Variants in GRIK4 observed in about 807,000 individuals in gnomAD.
GRIK4 encodes the protein glutamate receptor ionotropic, kainate 4.
GRIK4 carries 40 observed loss-of-function variants against 104.9 expected under a neutral mutation model. The ratio of observed to expected loss-of-function variants is 0.38; its 90% confidence interval spans 0.30 to 0.50. GRIK4 has a LOEUF of 0.50. Ranked by LOEUF, GRIK4 falls within the 20% of genes least tolerant of loss-of-function variation. The pLI is 0.93. For synonymous variants in GRIK4, 485 were observed against 524.9 expected (o/e 0.92, Z 1.04); for missense variants, 1,047 against 1,308.1 (o/e 0.80, Z 3.08).
chr11:120,773,468 G>A (rs1434635078), intron 3 of GRIK4, among the ~76,000 whole-genome samples: 1 of 152,240 alleles, frequency 6.6e-6, no homozygotes. Flanking sequence ...AACCACCAGG[G>A]ACCAAACACG....
rs565386691 is a variant in GRIK4 at position 120,608,281 on chromosome 11, G to A, written c.-158-45404G>A. Reference sequence around the variant, plus strand: ...GTGGGAGGCTTGCTTGAGTCCAGGAGTTTGAGACCAGCCTGGACAATGCAG... The same window carrying A: ...GTGGGAGGCTTGCTTGAGTCCAGGAATTTGAGACCAGCCTGGACAATGCAG... On this transcript the variant is annotated intron_variant, in intron 1 of 20. Transcript: ENST00000527524. 2.0e-5 allele frequency among the ~76,000 whole-genome samples: 3 copies of A among 152,342 alleles called. No individual in the cohort carries two copies. The South Asian group carries it at 6.2e-4, about 32-fold the overall frequency.
intron 9 of GRIK4, chr11:120,872,625 G>A (rs1954642262): frequency 6.5e-6 from 1 of 153,350 alleles, no homozygotes; most frequent in Non-Finnish European, 1.5e-5. Context: ...CCTTGTAATG[G>A]GACTCTGTGT....
intron 1 of GRIK4, among the ~76,000 whole-genome samples, chr11:120,595,478 A>C (rs1040319086): frequency 2.6e-5 from 4 of 152,214 alleles, no homozygotes; most frequent in Middle Eastern, 3.2e-3. Context: ...TACAAGGTGC[A>C]TGGCAGAGGG....
chr11:120,574,858 T>C (rs139443595), intron 1 of GRIK4, among the ~76,000 whole-genome samples: 2 of 152,292 alleles, frequency 1.3e-5, no homozygotes, highest in Admixed American at 6.5e-5. Context: ...CATCTCTGTT[T>C]AATAAGAATT....
intron 1 of GRIK4, among the ~76,000 whole-genome samples, chr11:120,518,556 A>G (rs1228246374): frequency 6.6e-6 from 1 of 152,160 alleles, no homozygotes; most frequent in East Asian, 1.9e-4. Context: ...CAAGCAGTGT[A>G]ACGGGAGTGG....
chr11:120,934,851 C>A (rs1290822494), intron 13 of GRIK4, among the ~76,000 whole-genome samples: 1 of 152,184 alleles, frequency 6.6e-6, no homozygotes, highest in Non-Finnish European at 1.5e-5. Flanking sequence ...TTCACCTGTC[C>A]TTTTCTTTCT....
intron 3 of GRIK4, among the ~76,000 whole-genome samples, chr11:120,735,951 G>A (rs1440873410): frequency 6.6e-6 from 1 of 152,152 alleles, no homozygotes; most frequent in African/African-American, 2.4e-5. Flanking sequence ...TTCTGTCCCA[G>A]GGCAGGTCCA....
At chr11:120,744,735 A>G (rs1951409418) in intron 3 of GRIK4, among the ~76,000 whole-genome samples, 1 of 152,220 alleles carries the variant, frequency 6.6e-6, no homozygotes, top group Non-Finnish European at 1.5e-5. Context: ...GGAAAAAGCA[A>G]CAGTTCTATG....
At chr11:120,568,316 C>T (rs1948356216) in intron 1 of GRIK4, among the ~76,000 whole-genome samples, 1 of 152,192 alleles carries the variant, frequency 6.6e-6, no homozygotes, top group African/African-American at 2.4e-5. Flanking sequence ...CTTACTGCTT[C>T]CATTTTCTTC....
At chr11:120,975,090 C>T (rs1035600197) in intron 19 of GRIK4, among the ~76,000 whole-genome samples, 4 of 152,140 alleles carry the variant, frequency 2.6e-5, no homozygotes, top group Admixed American at 1.3e-4. Context: ...TTCAAAGGAA[C>T]ATAAATACAT....
At chr11:120,710,537 G>C (rs1024878943) in intron 3 of GRIK4, among the ~76,000 whole-genome samples, 25 of 152,194 alleles carry the variant, frequency 1.6e-4, no homozygotes, top group African/African-American at 6.0e-4. Context: ...CCAGCTGTGT[G>C]AGGCAGCAGT....
At chr11:120,955,274 G>A (rs536295145) in intron 15 of GRIK4, among the ~76,000 whole-genome samples, 28 of 152,112 alleles carry the variant, frequency 1.8e-4, no homozygotes, top group Non-Finnish European at 3.4e-4. Context: ...CCAGCTCCTC[G>A]GGACCCACAC....
intron 3 of GRIK4, among the ~76,000 whole-genome samples, chr11:120,743,387 A>G (rs775108718): frequency 1.3e-5 from 2 of 152,180 alleles, no homozygotes; most frequent in Non-Finnish European, 2.9e-5. Context: ...AGTTATGAAC[A>G]CAAAGAAGGA....
At chr11:120,748,960 A>G (rs749997557) in intron 3 of GRIK4, among the ~76,000 whole-genome samples, 1 of 152,228 alleles carries the variant, frequency 6.6e-6, no homozygotes, top group Non-Finnish European at 1.5e-5. Flanking sequence ...ATGAATTAGA[A>G]GTGGGAACCC....
chr11:120,548,561 G>A (rs78905175), intron 1 of GRIK4, among the ~76,000 whole-genome samples: 1 of 152,102 alleles, frequency 6.6e-6, no homozygotes, highest in East Asian at 1.9e-4. Flanking sequence ...CTTGCTGAGG[G>A]ATTCAGACTT....
intron 3 of GRIK4, among the ~76,000 whole-genome samples, chr11:120,700,961 G>A (rs769778984): frequency 6.6e-6 from 1 of 152,138 alleles, no homozygotes; most frequent in Admixed American, 6.5e-5. Context: ...ACTTACCACT[G>A]TATTACAGTT....
intron 3 of GRIK4, among the ~76,000 whole-genome samples, chr11:120,662,628 C>T (rs544949584): frequency 6.6e-5 from 10 of 151,900 alleles, no homozygotes; most frequent in African/African-American, 1.9e-4. Context: ...GCTGGGCTGG[C>T]GTTAACTGTG....
intron 6 of GRIK4, among the ~76,000 whole-genome samples, chr11:120,824,425 C>T (rs908305158): frequency 1.3e-5 from 2 of 152,144 alleles, no homozygotes; most frequent in Non-Finnish European, 2.9e-5. Context: ...ATCACCCAGC[C>T]CTGCCGCGGA....
intron 1 of GRIK4, among the ~76,000 whole-genome samples, chr11:120,647,629 C>T (rs769359437): frequency 5.8e-4 from 88 of 152,266 alleles, no homozygotes; most frequent in South Asian, 4.1e-4. Flanking sequence ...TCTCCCCACC[C>T]GGCACATGCC....
Sources: allele counts gnomAD v4.1 joint callset (sites outside exome capture counted in the v4.1 genomes callset), GRCh38; gene constraint gnomAD v4.1.1; transcripts MANE v1.5; gene names NCBI Gene and HGNC (gene_info 2026-07-23, HGNC 2026-07-21).